The following KCNQ5 variants were observed in gnomAD, a reference collection of about 807,000 sequenced individuals.
KCNQ5 encodes the protein potassium voltage-gated channel subfamily Q member 5.
A neutral mutation model predicts 98.2 loss-of-function variants in KCNQ5; 30 were observed. The ratio of observed to expected loss-of-function variants is 0.31; its 90% CI spans 0.23 to 0.41. The LOEUF (loss-of-function observed/expected upper bound fraction) is 0.41. Ranked by LOEUF, KCNQ5 falls within the 10% of genes least tolerant of loss-of-function variation. KCNQ5 has a pLI of 1.00. For missense variants in KCNQ5, 835 were observed against 1,182.5 expected (o/e 0.71, Z 4.31); for synonymous variants, 458 against 449.4 (o/e 1.02, Z -0.24).
intron 1 of KCNQ5, among the ~76,000 whole-genome samples, chr6:72,770,011 T>A (rs1772776590): frequency 6.6e-6 from 1 of 152,020 alleles, no homozygotes; most frequent in East Asian, 1.9e-4. Flanking sequence ...AAACTTTCAA[T>A]AAAAGAAACA....
chr6:72,897,498 T>C lies in KCNQ5; in HGVS notation c.399-106410T>C, dbSNP rs536546567. Among the ~76,000 whole-genome samples, 67 of 152,220 alleles carry C rather than the reference T, an allele frequency of 4.4e-4. 2 individuals are homozygous for C. The South Asian group carries it at 0.014, about 31-fold the overall frequency. On this transcript the variant is annotated intron_variant, in intron 1 of 13. Transcript: ENST00000370398. ...CAGCTGTTGCGGGGAGCCGAGATTGTACCACCGCATTCCAGCATGGGCAAC... is the reference window on the plus strand; with the variant it reads ...CAGCTGTTGCGGGGAGCCGAGATTGCACCACCGCATTCCAGCATGGGCAAC...
intron 10 of KCNQ5, among the ~76,000 whole-genome samples, chr6:73,148,847 C>T (rs1012627869): frequency 4.1e-5 from 6 of 147,210 alleles, no homozygotes; most frequent in African/African-American, 1.6e-4. Context: ...TCTCTTAGGA[C>T]TCATGTTACG....
chr6:73,147,045 G>T (rs1449682476), intron 10 of KCNQ5, among the ~76,000 whole-genome samples: 3 of 152,144 alleles, frequency 2.0e-5, no homozygotes, highest in Admixed American at 2.0e-4. Flanking sequence ...CCGACACAGT[G>T]CATGGTTTTG....
At chr6:72,730,505 G>C (rs183193027) in intron 1 of KCNQ5, among the ~76,000 whole-genome samples, 19 of 152,256 alleles carry the variant, frequency 1.2e-4, no homozygotes, top group African/African-American at 3.9e-4. Flanking sequence ...CTGGTGTAAT[G>C]TAAGATAGGG....
chr6:73,125,156 C>G (rs1022270545), intron 9 of KCNQ5, among the ~76,000 whole-genome samples: 2 of 151,124 alleles, frequency 1.3e-5, no homozygotes, highest in Admixed American at 1.3e-4. Context: ...TCAAAGAGCC[C>G]CATCCCCATC....
chr6:72,802,004 T>A (rs2150094381), intron 1 of KCNQ5, among the ~76,000 whole-genome samples: 1 of 152,312 alleles, frequency 6.6e-6, no homozygotes, highest in African/African-American at 2.4e-5. Flanking sequence ...CCGCTGTTAG[T>A]CTGATGGGCT....
At chr6:72,762,096 C>T (rs753903956) in intron 1 of KCNQ5, among the ~76,000 whole-genome samples, 1 of 152,022 alleles carries the variant, frequency 6.6e-6, no homozygotes, top group Non-Finnish European at 1.5e-5. Flanking sequence ...TTGCAAGAGA[C>T]ATTCGCTATA....
In KCNQ5 at chr6:72,956,652, C is replaced by T. The variant is rs546053015; in HGVS notation, c.399-47256C>T. Among the ~76,000 whole-genome samples the T allele has an allele frequency of 1.5e-3, 221 of 150,976 alleles. 1 individual carries two copies. Among genetic ancestry groups the T allele is most frequent in the Non-Finnish European group, 2.4e-3 (165 of 67,826 alleles). On this transcript the variant is annotated intron_variant, in intron 1 of 13. Coordinates refer to ENST00000370398, the MANE Select transcript of KCNQ5 (RefSeq NM_019842.4). ...AACTCCTGGCCTGAAACTATCCTCCCACCTCCACCTCCCAAAATGTTGAGA... is the reference window on the plus strand; with the variant it reads ...AACTCCTGGCCTGAAACTATCCTCCTACCTCCACCTCCCAAAATGTTGAGA...
At chr6:72,723,041 G>T (rs1770059342) in intron 1 of KCNQ5, among the ~76,000 whole-genome samples, 1 of 151,720 alleles carries the variant, frequency 6.6e-6, no homozygotes, top group South Asian at 2.1e-4. Flanking sequence ...GTAGAGATGG[G>T]GTTTCACCTT....
intron 6 of KCNQ5, among the ~76,000 whole-genome samples, chr6:73,109,997 A>G (rs1484411403): frequency 2.0e-5 from 3 of 152,162 alleles, no homozygotes; most frequent in African/African-American, 4.8e-5. Context: ...TAGAGCCCAA[A>G]AATATCTCAG....
At chr6:72,727,292 A>G (rs892629682) in intron 1 of KCNQ5, among the ~76,000 whole-genome samples, 3 of 152,204 alleles carry the variant, frequency 2.0e-5, no homozygotes, top group African/African-American at 7.2e-5. Flanking sequence ...CACCTTGATC[A>G]AGATTTATGA....
intron 1 of KCNQ5, among the ~76,000 whole-genome samples, chr6:72,731,844 A>T (rs918446047): frequency 1.3e-5 from 2 of 152,198 alleles, no homozygotes; most frequent in African/African-American, 2.4e-5. Context: ...ACCTTCAAAA[A>T]ATTATATCCT....
intron 1 of KCNQ5, among the ~76,000 whole-genome samples, chr6:72,823,865 T>G (rs1006005279): frequency 2.0e-5 from 3 of 152,216 alleles, no homozygotes; most frequent in African/African-American, 7.2e-5. Flanking sequence ...ACATTTCATA[T>G]GGTGAAGTCT....
chr6:72,959,103 G>C (rs1443060676), intron 1 of KCNQ5, among the ~76,000 whole-genome samples: 1 of 152,122 alleles, frequency 6.6e-6, no homozygotes, highest in East Asian at 1.9e-4. Context: ...AGATATTTTT[G>C]CAGGAGAAAA....
intron 1 of KCNQ5, among the ~76,000 whole-genome samples, chr6:72,947,018 C>A (rs1299226176): frequency 6.6e-6 from 1 of 152,146 alleles, no homozygotes; most frequent in Non-Finnish European, 1.5e-5. Context: ...TTTTAATTTT[C>A]CACCAGTGAT....
At chr6:72,941,649 C>T (rs1210998815) in intron 1 of KCNQ5, among the ~76,000 whole-genome samples, 1 of 103,120 alleles carries the variant, frequency 9.7e-6, no homozygotes, top group East Asian at 3.5e-4. Flanking sequence ...CTTCCCCACC[C>T]GCACCTCCCT....
chr6:73,158,865 C>T (rs1194273629), intron 10 of KCNQ5, among the ~76,000 whole-genome samples: 1 of 151,960 alleles, frequency 6.6e-6, no homozygotes, highest in African/African-American at 2.4e-5. Context: ...TCATAATTGC[C>T]TTTTTCAGAG....
chr6:72,962,037 G>A (rs1374273936), intron 1 of KCNQ5, among the ~76,000 whole-genome samples: 1 of 151,532 alleles, frequency 6.6e-6, no homozygotes, highest in Non-Finnish European at 1.5e-5. Context: ...AATTAACTGG[G>A]TATGGTGGTG....
chr6:72,756,659 A>C (rs2154476823), intron 1 of KCNQ5, among the ~76,000 whole-genome samples: 1 of 152,272 alleles, frequency 6.6e-6, no homozygotes, highest in South Asian at 2.1e-4. Flanking sequence ...TCATGGCTAA[A>C]GATTGGGAGA....
Sources: gnomAD v4.1 joint callset for allele counts (sites outside exome capture counted in the v4.1 genomes callset) on GRCh38, gnomAD v4.1.1 for gene constraint, MANE v1.5 for transcripts, NCBI Gene and HGNC (gene_info 2026-07-23, HGNC 2026-07-21) for gene names.